The following ERBIN variants were observed in gnomAD, a reference collection of about 807,000 sequenced individuals.
ERBIN encodes the protein densin-180-like protein.
In ERBIN, 60 loss-of-function variants were observed where a neutral mutation model predicts 158.4. The observed-to-expected ratio is 0.38, with a 90% CI of 0.31 to 0.47. The LOEUF (loss-of-function observed/expected upper bound fraction) is 0.47. ERBIN is among the 20% of genes least tolerant of loss of function. ERBIN has a pLI of 0.99. For synonymous variants in ERBIN, 594 were observed against 557.2 expected, an observed-to-expected ratio of 1.07 and a Z score of -0.93; for missense variants, 1,610 against 1,648.0, an observed-to-expected ratio of 0.98 and a Z score of 0.40.
chr5:66,040,439 A>G (rs1757812599), intron 15 of ERBIN, among the ~76,000 whole-genome samples: 1 of 151,958 alleles, frequency 6.6e-6, no homozygotes, highest in Non-Finnish European at 1.5e-5. Flanking sequence ...AGAAGTAGCA[A>G]AATCTTGCCA....
At chr5:66,055,016 A>G in intron 21 of ERBIN, 65 bp downstream of exon 21, 1 of 1,460,220 alleles carries the variant, frequency 6.8e-7, no homozygotes, top group Non-Finnish European at 9.1e-7. Flanking sequence ...AAAAATGATG[A>G]AACAAGATTC....
chr5:66,047,956 AGT>A (rs1758610781), intron 18 of ERBIN, among the ~76,000 whole-genome samples: 1 of 151,920 alleles, frequency 6.6e-6, no homozygotes, highest in Admixed American at 6.6e-5. Context: ...GACTGTGCTA[AGT>A]GTGTTAGAAA....
At chr5:66,059,527 A>G (rs900224433) in intron 21 of ERBIN, among the ~76,000 whole-genome samples, 3 of 152,246 alleles carry the variant, frequency 2.0e-5, no homozygotes, top group East Asian at 1.9e-4. Flanking sequence ...AATACCCTTT[A>G]TTTCCTTCTC....
At position 66,072,262 on chromosome 5, in the gene ERBIN, A is replaced by G. The variant is rs779313372; in HGVS notation, c.3727A>G (p.Lys1243Glu). The G allele has an allele frequency of 1.9e-6, 3 of 1,550,436 alleles. No individual in the cohort carries two copies. The highest frequency in any genetic ancestry group is 1.4e-5 in the African/African-American group (1 of 73,184). The change falls in exon 22 of 26, where the codon AAA becomes GAA. Residue 1243 changes from lysine (K) to glutamate (E), a missense_variant. Physicochemically the swap from Lys to Glu is moderately conservative, Grantham distance 56. Coordinates refer to ENST00000284037, the MANE Select transcript of ERBIN (RefSeq NM_001253697.2). ...CTACTCATCAGCCACACTTAGTCAC[A>G]AAGATGTTCCTCCAGACAGCTTGAT... ...QNYSSATLSH[K>E]DVPPDSLMKM...
chr5:65,942,005 G>T (rs1388987882), intron 1 of ERBIN, among the ~76,000 whole-genome samples: 1 of 152,204 alleles, frequency 6.6e-6, no homozygotes, highest in African/African-American at 2.4e-5. Context: ...CTTCCAAAGT[G>T]CTGGGATTAC....
At chr5:66,008,073 C>G (rs1753810706) in intron 4 of ERBIN, among the ~76,000 whole-genome samples, 1 of 152,118 alleles carries the variant, frequency 6.6e-6, no homozygotes, top group South Asian at 2.1e-4. Flanking sequence ...TTGTGGAATA[C>G]TTTTTATAAA....
At chr5:66,055,338 G>C (rs1365987644) in intron 21 of ERBIN, among the ~76,000 whole-genome samples, 1 of 152,160 alleles carries the variant, frequency 6.6e-6, no homozygotes, top group Non-Finnish European at 1.5e-5. Flanking sequence ...AACAAAAAAT[G>C]TATTGCAAAT....
chr5:66,035,157 C>A (rs1257091711), intron 14 of ERBIN, among the ~76,000 whole-genome samples: 1 of 152,190 alleles, frequency 6.6e-6, no homozygotes, highest in Non-Finnish European at 1.5e-5. Flanking sequence ...CTAGGCTCTG[C>A]TTTAATTTCT....
rs200680522 is a variant in ERBIN, at chr5:66,053,773, G to A, written c.2455G>A (p.Val819Ile). 1.4e-5 allele frequency: 22 copies of A among 1,613,746 alleles called. No individual in the cohort carries two copies. Among genetic ancestry groups the A allele is most frequent in the Admixed American group, 1.7e-5 (1 of 60,002 alleles). The change falls in exon 21 of 26, where the codon GTA becomes ATA. Residue 819 changes from valine (V) to isoleucine (I), a missense_variant. Coordinates refer to ENST00000284037, the MANE Select transcript of ERBIN (RefSeq NM_001253697.2). ...AAACAAGTATCCTAATTTGGAATCC[G>A]TAAATAAGGTAAATGGACATTCTGA... The part of the protein sequence containing the change: ...NGNKYPNLES[V>I]NKVNGHSEET...
intron 8 of ERBIN, among the ~76,000 whole-genome samples, chr5:66,022,359 G>A (rs190231942): frequency 1.3e-5 from 2 of 152,154 alleles, no homozygotes; most frequent in Non-Finnish European, 2.9e-5. Context: ...TACCATTTTG[G>A]TCTTCCAACA....
At chr5:65,956,661 T>G (rs1428104914) in intron 1 of ERBIN, among the ~76,000 whole-genome samples, 3 of 152,002 alleles carry the variant, frequency 2.0e-5, no homozygotes, top group African/African-American at 7.3e-5. Flanking sequence ...ATTACAGGTG[T>G]GAGCCACTGC....
chr5:66,049,667 C>T (rs1256609813), intron 19 of ERBIN, among the ~76,000 whole-genome samples: 1 of 151,960 alleles, frequency 6.6e-6, no homozygotes, highest in South Asian at 2.1e-4. Flanking sequence ...AAATACAATC[C>T]GGACTACTTG....
In ERBIN at chr5:66,053,818, A is replaced by G. The variant is rs1408750700; in HGVS notation, c.2500A>G (p.Asn834Asp). ...GHSEETSQSP[N>D]RTEPHDSDCS... is the part of the protein sequence containing the mutation. ...TTCTGAGGAAACTTCCCAGTCTCCT[A>G]ATAGGACTGAACCACATGACAGTGA... is the stretch of plus-strand genomic sequence containing the variant. Residue 834 changes from asparagine to aspartate, a missense_variant, in exon 21 of 26, where the codon AAT becomes GAT. Asn to Asp is a conservative substitution (Grantham distance 23, BLOSUM62 1). Coordinates refer to ENST00000284037, the MANE Select transcript of ERBIN (RefSeq NM_001253697.2). 3 of 1,614,054 alleles carry G rather than the reference A, an allele frequency of 1.9e-6. No homozygotes were observed. Among genetic ancestry groups the G allele is most frequent in the East Asian group, 2.2e-5 (1 of 44,874 alleles).
chr5:66,050,705 G>A (rs1236922596), intron 19 of ERBIN, 78 bp from the exon 20 acceptor site: 12 of 872,972 alleles, frequency 1.4e-5, no homozygotes, highest in Middle Eastern at 3.5e-4. Flanking sequence ...TGGTATAATT[G>A]CCATTTGTCA....
intron 4 of ERBIN, among the ~76,000 whole-genome samples, chr5:65,999,291 G>A (rs541681464): frequency 5.9e-5 from 9 of 152,236 alleles, no homozygotes; most frequent in East Asian, 5.8e-4. Context: ...GCTTGAGCTC[G>A]GGAGGCAGAG....
chr5:66,046,644 A>G (rs2151213829), intron 18 of ERBIN, 106 bp downstream of exon 18: 1 of 909,148 alleles, frequency 1.1e-6, no homozygotes. Flanking sequence ...ATGTTAATGC[A>G]TTCATCATTG....
At chr5:65,982,622 A>G (rs1045744021) in intron 1 of ERBIN, among the ~76,000 whole-genome samples, 1 of 152,144 alleles carries the variant, frequency 6.6e-6, no homozygotes, top group Admixed American at 6.6e-5. Context: ...GCCATTTGTA[A>G]TTAGAAAAAT....
Position 66,046,513 on chromosome 5 carries a change from T to G in ERBIN, c.1763T>G (p.Ile588Ser), listed in dbSNP as rs763126460. 2.3e-5 allele frequency: 37 copies of G among 1,592,202 alleles called. No individual in the cohort carries two copies. In the South Asian group the frequency reaches 2.6e-4, roughly 11 times the overall value. The change falls in exon 18 of 26, where the codon ATT (isoleucine) becomes AGT (serine). Residue 588 changes from isoleucine to serine, a missense_variant. By Grantham distance (142) the Ile-to-Ser change is moderately radical. Coordinates refer to ENST00000284037, the MANE Select transcript of ERBIN (RefSeq NM_001253697.2). ...AAAGCCTCTGAGAACTTGAAGCATA[T>G]TGTTAACCATGATGATGTTTTTGAG... is the stretch of plus-strand genomic sequence containing the variant. ...NMKASENLKH[I>S]VNHDDVFEES...
At chr5:66,034,833 G>A (rs781073543) in intron 14 of ERBIN, among the ~76,000 whole-genome samples, 1 of 152,122 alleles carries the variant, frequency 6.6e-6, no homozygotes, top group Non-Finnish European at 1.5e-5. Flanking sequence ...GCCAAGACAG[G>A]TGCAAGAAAA....
Sources: allele counts gnomAD v4.1 joint callset (sites outside exome capture counted in the v4.1 genomes callset), GRCh38; gene constraint gnomAD v4.1.1; transcripts MANE v1.5; gene names NCBI Gene and HGNC (gene_info 2026-07-23, HGNC 2026-07-21).